PTPRT: variants seen among roughly 807,000 people sequenced by gnomAD.
PTPRT encodes protein tyrosine phosphatase receptor type T.
Under a neutral mutation model 176.8 loss-of-function variants are expected in PTPRT, and 56 were observed. That is an observed-to-expected ratio of 0.32 (90% CI 0.26 to 0.40). PTPRT has a LOEUF of 0.40. PTPRT is among the 10% of genes least tolerant of loss of function. The probability of loss-of-function intolerance (pLI) is 1.00; values close to 1 mark genes in which losing one functional copy is unlikely to be tolerated. For missense variants in PTPRT, 1,540 were observed against 1,908.2 expected (o/e 0.81, Z 3.60); for synonymous variants, 783 against 739.0 (o/e 1.06, Z -0.96).
At chr20:42,770,476 C>T (rs551598104) in intron 5 of PTPRT, among the ~76,000 whole-genome samples, 79 of 152,128 alleles carry the variant, frequency 5.2e-4, no homozygotes, top group Non-Finnish European at 1.0e-3. Context: ...CGCCCTCTGT[C>T]CTAACCCCCA....
At chr20:42,731,702 T>C (rs893000307) in intron 6 of PTPRT, among the ~76,000 whole-genome samples, 4 of 152,296 alleles carry the variant, frequency 2.6e-5, no homozygotes, top group Middle Eastern at 3.4e-3. Flanking sequence ...AGCAAGCCCC[T>C]TTCCCTCCCC....
chr20:42,761,012 G>A (rs924350775), intron 5 of PTPRT, among the ~76,000 whole-genome samples: 1 of 152,190 alleles, frequency 6.6e-6, no homozygotes, highest in African/African-American at 2.4e-5. Context: ...CATTGAAATA[G>A]TATACTTCAT....
intron 7 of PTPRT, among the ~76,000 whole-genome samples, chr20:42,520,802 C>CATATATATAT (rs58797064): frequency 2.1e-4 from 30 of 141,746 alleles, no homozygotes; most frequent in African/African-American, 7.1e-4. Flanking sequence ...CTTGGAAAGA[C>CATATATATAT]ATATATATAT....
At chr20:42,052,152 A>G in the PTPRT span, among the ~76,000 whole-genome samples, 3 of 152,198 alleles carry the variant, frequency 2.0e-5, no homozygotes, top group African/African-American at 7.2e-5. Flanking sequence ...GCACAGACAG[A>G]CCAGGCCTGG....
At chr20:42,926,501 T>C (rs1180672996) in intron 1 of PTPRT, among the ~76,000 whole-genome samples, 2 of 152,104 alleles carry the variant, frequency 1.3e-5, no homozygotes, top group African/African-American at 2.4e-5. Context: ...ACGGGGGACA[T>C]AATTTAGAGG....
chr20:42,121,530 C>T (rs1047111135), intron 19 of PTPRT, among the ~76,000 whole-genome samples: 6 of 152,038 alleles, frequency 3.9e-5, no homozygotes, highest in Non-Finnish European at 8.8e-5. Context: ...CCATGGACTC[C>T]GGAACTCAGC....
chr20:42,150,990 G>A (rs924555632), intron 17 of PTPRT, among the ~76,000 whole-genome samples: 1 of 152,124 alleles, frequency 6.6e-6, no homozygotes, highest in Non-Finnish European at 1.5e-5. Context: ...ATAGCACCTG[G>A]CACAATGCCT....
At chr20:42,607,446 CTGAGCCACCAATCA>C (rs1171881333) in intron 7 of PTPRT, 81 of 152,278 alleles carry the variant, frequency 5.3e-4, no homozygotes, top group African/African-American at 1.8e-3. Context: ...GAAGTTAGGA[CTGAGCCACCAATCA>C]TGAACGGAAT....
At chr20:42,362,199 C>T (rs1015193199) in intron 9 of PTPRT, among the ~76,000 whole-genome samples, 5 of 151,916 alleles carry the variant, frequency 3.3e-5, no homozygotes, top group Admixed American at 6.6e-5. Context: ...CCAGGGAGGT[C>T]GAGGCTGCGG....
rs191268484 is a variant in PTPRT at position 42,097,609 on chromosome 20, C to T, written c.3846+812G>A. Among the ~76,000 whole-genome samples, 1,183 of 152,304 alleles carry T rather than the reference C, an allele frequency of 7.8e-3. 9 individuals are homozygous for T. The highest frequency in any genetic ancestry group is 0.011 in the Non-Finnish European group (770 of 68,028). ...GTGCTCATCTGTCTCTGGAGCAAGA[C>T]CATGCGCTTTTGGAGGGCTGAAACT... On this transcript the variant is annotated intron_variant, in intron 27 of 30. Coordinates refer to ENST00000373187, the MANE Select transcript of PTPRT (RefSeq NM_007050.6).
chr20:43,057,951 A>G (rs76802466), intron 1 of PTPRT, among the ~76,000 whole-genome samples: 2,451 of 152,336 alleles, frequency 0.016, 70 homozygotes, highest in African/African-American at 0.056. Context: ...TGCTTAGTAC[A>G]TAGAAAGCAC....
rs780829394 is a variant in PTPRT at position 42,624,144 on chromosome 20, C to G, written c.1153+53722G>C. 2.6e-5 allele frequency among the ~76,000 whole-genome samples: 4 copies of G among 152,270 alleles called. No individual in the cohort carries two copies. In the South Asian group the frequency reaches 8.3e-4, roughly 32 times the overall value. On this transcript the variant is annotated intron_variant, in intron 7 of 30. Coordinates refer to ENST00000373187, the MANE Select transcript of PTPRT (RefSeq NM_007050.6). Reference sequence around the variant, plus strand: ...TGTCATATTTAACTTAACCTACCAGCCTTTCATAGAATCCTGCTCTGTGAA... The same window carrying G: ...TGTCATATTTAACTTAACCTACCAGGCTTTCATAGAATCCTGCTCTGTGAA...
At chr20:43,067,882 C>G (rs2011126764) in intron 1 of PTPRT, among the ~76,000 whole-genome samples, 1 of 132,662 alleles carries the variant, frequency 7.5e-6, no homozygotes, top group Non-Finnish European at 1.6e-5. Flanking sequence ...AAGAGGAATA[C>G]TTGTGTCAGG....
Position 42,736,102 on chromosome 20 carries a change from C to T in PTPRT, c.859+20360G>A, listed in dbSNP as rs6093725. Reference sequence around the variant, plus strand: ...AGAATAAACAGATAGTTGGACACAGCCCTTACCTTCGAACAATTATAGTCT... The same window carrying T: ...AGAATAAACAGATAGTTGGACACAGTCCTTACCTTCGAACAATTATAGTCT... On this transcript the variant is annotated intron_variant, in intron 6 of 30. Transcript: ENST00000373187. Among the ~76,000 whole-genome samples, 1,253 of 152,316 alleles carry T rather than the reference C, an allele frequency of 8.2e-3. 21 individuals are homozygous for T. The highest frequency in any genetic ancestry group is 0.029 in the African/African-American group (1,193 of 41,556).
chr20:42,362,552 A>G (rs1281293534), intron 9 of PTPRT, among the ~76,000 whole-genome samples: 2 of 152,206 alleles, frequency 1.3e-5, no homozygotes, highest in Non-Finnish European at 2.9e-5. Flanking sequence ...CTAAGGAAAA[A>G]ATGACAAGTA....
chr20:42,868,565 G>C (rs1600495709), intron 2 of PTPRT, among the ~76,000 whole-genome samples: 1 of 152,330 alleles, frequency 6.6e-6, no homozygotes, highest in South Asian at 2.1e-4. Flanking sequence ...AAGGGAAGCA[G>C]AGCTTAAAGA....
At chr20:42,968,696 A>T (rs1397269076) in intron 1 of PTPRT, 1 of 152,200 alleles carries the variant, frequency 6.6e-6, no homozygotes, top group African/African-American at 2.4e-5. Context: ...TGGTGAGGTA[A>T]TGAGTTACTA....
intron 7 of PTPRT, among the ~76,000 whole-genome samples, chr20:42,476,554 G>A (rs2071292913): frequency 6.6e-6 from 1 of 152,182 alleles, no homozygotes; most frequent in African/African-American, 2.4e-5. Flanking sequence ...GTGTGTTACT[G>A]AAATCTTGGG....
At chr20:43,091,282 C>T (rs971230617) in intron 1 of PTPRT, among the ~76,000 whole-genome samples, 2 of 151,804 alleles carry the variant, frequency 1.3e-5, no homozygotes, top group African/African-American at 4.8e-5. Context: ...AGAGAAGTGG[C>T]GTGCAGACAA....
Sources: allele counts gnomAD v4.1 joint callset (sites outside exome capture counted in the v4.1 genomes callset), GRCh38; gene constraint gnomAD v4.1.1; transcripts MANE v1.5; gene names NCBI Gene and HGNC (gene_info 2026-07-23, HGNC 2026-07-21).